The following IGFL2 variants were observed in gnomAD, a reference collection of about 807,000 sequenced individuals.
The protein encoded by IGFL2 is insulin growth factor-like family member 2.
In IGFL2, 7 loss-of-function variants were observed where a neutral mutation model predicts 13.9. The ratio of observed to expected loss-of-function variants is 0.51; its 90% CI spans 0.29 to 0.95. The LOEUF (loss-of-function observed/expected upper bound fraction) is 0.95. Ranked by LOEUF, IGFL2 falls within the 40% of genes least tolerant of loss-of-function variation. The probability of loss-of-function intolerance (pLI) is 0.08; values close to 1 mark genes in which losing one functional copy is unlikely to be tolerated. For missense variants in IGFL2, 138 were observed against 147.8 expected (o/e 0.93, Z 0.34); for synonymous variants, 55 against 55.8 (o/e 0.99, Z 0.07).
At chr19:46,206,436 C>T in the IGFL2 span, among the ~76,000 whole-genome samples, 2 of 152,182 alleles carry the variant, frequency 1.3e-5, no homozygotes, top group Admixed American at 6.5e-5. Context: ...TCTCAGCATA[C>T]GAAGCACCTA....
At chr19:46,210,523 A>G in the IGFL2 span, among the ~76,000 whole-genome samples, 6 of 152,326 alleles carry the variant, frequency 3.9e-5, no homozygotes, top group African/African-American at 1.4e-4. Context: ...ACAATAGGCC[A>G]TCTGCAAGCT....
the IGFL2 span, among the ~76,000 whole-genome samples, chr19:46,084,969 C>T: frequency 2.6e-5 from 4 of 152,144 alleles, no homozygotes; most frequent in African/African-American, 9.7e-5. Context: ...TCAAAAGTCT[C>T]AAGTCTCATC....
At chr19:46,081,730 A>G in the IGFL2 span, among the ~76,000 whole-genome samples, 2 of 152,220 alleles carry the variant, frequency 1.3e-5, no homozygotes, top group African/African-American at 2.4e-5. Flanking sequence ...CAGGCTCACC[A>G]GCTGCCCTGA....
the IGFL2 span, among the ~76,000 whole-genome samples, chr19:46,102,901 C>T: frequency 6.6e-6 from 1 of 151,990 alleles, no homozygotes; most frequent in Admixed American, 6.6e-5. Context: ...AGCATGGGAA[C>T]CTGGAGTGGG....
At chr19:46,108,614 A>AGTGGTACTTGCCACCCAGGGGAG in the IGFL2 span, among the ~76,000 whole-genome samples, 2 of 151,820 alleles carry the variant, frequency 1.3e-5, no homozygotes, top group Non-Finnish European at 2.9e-5. Context: ...AGGAGGAGGG[A>AGTGGTACTTGCCACCCAGGGGAG]GTGGTACTTG....
intron 1 of IGFL2, chr19:46,149,015 C>T (rs958683437): frequency 1.2e-5 from 20 of 1,605,110 alleles, no homozygotes; most frequent in Middle Eastern, 1.7e-4. Flanking sequence ...GCATGAGGAC[C>T]GACTACCCCA....
the IGFL2 span, among the ~76,000 whole-genome samples, chr19:46,182,365 T>TAAAAAA: frequency 3.8e-5 from 3 of 78,692 alleles, no homozygotes; most frequent in Admixed American, 1.4e-4. Flanking sequence ...AGACTTTGCC[T>TAAAAAA]AAAAAAAAAA....
the IGFL2 span, among the ~76,000 whole-genome samples, chr19:46,190,900 C>T: frequency 1.5e-4 from 23 of 152,164 alleles, no homozygotes; most frequent in Non-Finnish European, 2.9e-4. Context: ...GAAGGGTTGA[C>T]TATTCGGGAG....
At chr19:46,213,007 G>A in the IGFL2 span, 2 of 152,320 alleles carry the variant, frequency 1.3e-5, no homozygotes, top group Non-Finnish European at 2.9e-5. Flanking sequence ...GCCATGAGCT[G>A]CAGGTGAGTG....
chr19:46,155,664 TC>T (rs1397187086), intron 1 of IGFL2, among the ~76,000 whole-genome samples: 1 of 152,232 alleles, frequency 6.6e-6, no homozygotes, highest in African/African-American at 2.4e-5. Flanking sequence ...ATGATCCATT[TC>T]AAATTAATTT....
the IGFL2 span, among the ~76,000 whole-genome samples, chr19:46,131,166 A>G: frequency 6.6e-6 from 1 of 152,160 alleles, no homozygotes; most frequent in Non-Finnish European, 1.5e-5. Context: ...GACTAGTTTC[A>G]TCCCTTTTCT....
chr19:46,158,664 C>T (rs1374259001), intron 1 of IGFL2, among the ~76,000 whole-genome samples: 4 of 152,128 alleles, frequency 2.6e-5, no homozygotes, highest in Admixed American at 2.6e-4. Flanking sequence ...TCATGTACAA[C>T]TTTTCTTGAA....
the IGFL2 span, among the ~76,000 whole-genome samples, chr19:46,086,275 C>A: frequency 3.3e-5 from 5 of 152,010 alleles, no homozygotes; most frequent in Admixed American, 2.6e-4. Context: ...GAACAACTCA[C>A]TTCTTTAATA....
At chr19:46,212,760 GA>G in the IGFL2 span, 17 of 150,628 alleles carry the variant, frequency 1.1e-4, no homozygotes, top group African/African-American at 3.7e-4. Context: ...TGAACGTCAC[GA>G]AGACACTGAC....
the IGFL2 span, among the ~76,000 whole-genome samples, chr19:46,127,571 C>A: frequency 6.6e-6 from 1 of 152,024 alleles, no homozygotes; most frequent in Non-Finnish European, 1.5e-5. Flanking sequence ...TCAATCCTCC[C>A]AGAAAATTGT....
chr19:46,085,496 C>T, the IGFL2 span, among the ~76,000 whole-genome samples: 1 of 152,212 alleles, frequency 6.6e-6, no homozygotes, highest in Non-Finnish European at 1.5e-5. Context: ...ATAGATCTTT[C>T]TCCATCCCTT....
At chr19:46,165,209 C>T (rs976567173), downstream of IGFL2, among the ~76,000 whole-genome samples, 3 of 152,182 alleles carry the variant, frequency 2.0e-5, no homozygotes, top group African/African-American at 7.2e-5. Context: ...TTTGACGTAG[C>T]CAGTTACTCC....
At chr19:46,128,826 C>G in the IGFL2 span, among the ~76,000 whole-genome samples, 1 of 152,082 alleles carries the variant, frequency 6.6e-6, no homozygotes, top group East Asian at 1.9e-4. Context: ...GTGTGTCTGC[C>G]AGGTTTTGAT....
At chr19:46,191,687 C>G in the IGFL2 span, among the ~76,000 whole-genome samples, 1 of 152,300 alleles carries the variant, frequency 6.6e-6, no homozygotes, top group South Asian at 2.1e-4. Context: ...CAGGTCATCA[C>G]AGACTCAGGG....
Sources: allele counts gnomAD v4.1 joint callset (sites outside exome capture counted in the v4.1 genomes callset), GRCh38; gene constraint gnomAD v4.1.1; transcripts MANE v1.5; gene names NCBI Gene and HGNC (gene_info 2026-07-23, HGNC 2026-07-21).